SATB1: variants seen among roughly 807,000 people sequenced by gnomAD.
The protein encoded by SATB1 is DNA-binding protein SATB1.
SATB1 carries 11 observed loss-of-function variants against 86.9 expected under a neutral mutation model. The observed-to-expected ratio is 0.13, with a 90% confidence interval of 0.08 to 0.21. The LOEUF (loss-of-function observed/expected upper bound fraction) is 0.21, where lower values mean the gene tolerates loss of function less well. SATB1 is among the 10% of genes least tolerant of loss of function. SATB1 has a pLI of 1.00. For missense variants in SATB1, 551 were observed against 937.6 expected (o/e 0.59, Z 5.39); for synonymous variants, 357 against 357.2 (o/e 1.00, Z 0.01).
intron 9 of SATB1, among the ~76,000 whole-genome samples, chr3:18,360,905 G>A (rs1173249138): frequency 6.6e-6 from 1 of 152,134 alleles, no homozygotes; most frequent in Non-Finnish European, 1.5e-5. Context: ...CAGACATCAA[G>A]TGGATCCACA....
intron 2 of SATB1, among the ~76,000 whole-genome samples, chr3:18,418,599 A>T (rs1438601902): frequency 6.6e-6 from 1 of 152,218 alleles, no homozygotes; most frequent in Non-Finnish European, 1.5e-5. Context: ...GGGAGACCAC[A>T]GCAAAAATAG....
chr3:18,350,002 C>A (rs551276511), intron 10 of SATB1: 4 of 327,346 alleles, frequency 1.2e-5, no homozygotes, highest in Non-Finnish European at 1.7e-5. Flanking sequence ...GCATCAAAGG[C>A]GAAGACAGCA....
chr3:18,408,533 T>A (rs911066195), intron 5 of SATB1: 2 of 152,018 alleles, frequency 1.3e-5, no homozygotes, highest in African/African-American at 4.8e-5. Context: ...CAATTGGCAA[T>A]GAGCTGCAGA....
intron 2 of SATB1, among the ~76,000 whole-genome samples, chr3:18,435,891 A>G (rs1380946940): frequency 6.6e-6 from 1 of 152,200 alleles, no homozygotes; most frequent in African/African-American, 2.4e-5. Flanking sequence ...CAGAATGTGC[A>G]TGATAATGTA....
At chr3:18,379,235 T>C (rs1345052527) in intron 8 of SATB1, among the ~76,000 whole-genome samples, 1 of 152,218 alleles carries the variant, frequency 6.6e-6, no homozygotes, top group African/African-American at 2.4e-5. Flanking sequence ...AATGTACTGA[T>C]ACTATAATTC....
chr3:18,366,952 A>G (rs1320062180), intron 9 of SATB1, among the ~76,000 whole-genome samples: 1 of 152,112 alleles, frequency 6.6e-6, no homozygotes, highest in Non-Finnish European at 1.5e-5. Flanking sequence ...AGTGTCTTCA[A>G]TCAAAATAGC....
intron 1 of SATB1, 38 bp from the exon 2 acceptor site, chr3:18,421,029 C>A: frequency 1.4e-6 from 2 of 1,440,754 alleles, no homozygotes; most frequent in South Asian, 2.3e-5. Context: ...TATAGTTGGG[C>A]GGGGACCTAC....
intron 7 of SATB1, among the ~76,000 whole-genome samples, chr3:18,391,658 G>T (rs1289110354): frequency 1.5e-4 from 22 of 151,688 alleles, no homozygotes; most frequent in Admixed American, 1.3e-3. Context: ...AAAAGTTGGA[G>T]TTGGAACTGC....
At chr3:18,442,549 A>C (rs112670676), upstream of SATB1, among the ~76,000 whole-genome samples, 1 of 152,212 alleles carries the variant, frequency 6.6e-6, no homozygotes, top group African/African-American at 2.4e-5. Flanking sequence ...ATAGTTTGCT[A>C]CTGTTACATT....
At chr3:18,403,526 C>G (rs1697371682) in intron 5 of SATB1, among the ~76,000 whole-genome samples, 2 of 152,170 alleles carry the variant, frequency 1.3e-5, no homozygotes, top group South Asian at 4.1e-4. Flanking sequence ...ATGGTTCTAC[C>G]TGTTTATAAT....
chr3:18,403,144 C>G (rs1160921164), intron 5 of SATB1, among the ~76,000 whole-genome samples: 1 of 152,012 alleles, frequency 6.6e-6, no homozygotes, highest in Non-Finnish European at 1.5e-5. Flanking sequence ...AAAAATGATT[C>G]TTTTAACAAA....
At chr3:18,427,424 T>G (rs144533933), upstream of SATB1, among the ~76,000 whole-genome samples, 76 of 152,282 alleles carry the variant, frequency 5.0e-4, 1 homozygote, top group East Asian at 0.014. Flanking sequence ...AGCCAGGCAA[T>G]GTCACCTCAA....
Position 18,415,243 on chromosome 3 carries a change from G to C in SATB1, c.516-9C>G. The C allele has an allele frequency of 6.2e-7, 1 of 1,612,456 alleles. No individual in the cohort carries two copies. Among genetic ancestry groups the C allele is most frequent in the Non-Finnish European group, 8.5e-7 (1 of 1,178,896 alleles). Reference sequence around the variant, plus strand: ...CTTCTAGTTTGGGGCAACTATTTGAGACATAGATTAGAAAGGGGATTATTA... The same window carrying C: ...CTTCTAGTTTGGGGCAACTATTTGACACATAGATTAGAAAGGGGATTATTA... On this transcript the variant is annotated splice_polypyrimidine_tract_variant and intron_variant, in intron 4 of 10. Coordinates refer to ENST00000338745, the MANE Select transcript of SATB1 (RefSeq NM_002971.6).
chr3:18,387,376 G>C (rs1696397799), intron 7 of SATB1, among the ~76,000 whole-genome samples: 1 of 152,266 alleles, frequency 6.6e-6, no homozygotes, highest in South Asian at 2.1e-4. Context: ...AAGGAAAAGA[G>C]TATCAAATTC....
In SATB1 at chr3:18,352,713, G is replaced by A; in HGVS notation, c.1576-518C>T. 1 of 157,260 alleles carries A rather than the reference G, an allele frequency of 6.4e-6. No individual in the cohort carries two copies. The highest frequency in any genetic ancestry group is 1.4e-5 in the Non-Finnish European group (1 of 70,834). 9.7% of individuals were successfully genotyped at this position (157,260 alleles called of 1,614,324 possible). ...AGAAAGGACAGGTGCAATTACACCA[G>A]CAAGAATGTTTTCCAGTATAAGGCA... On this transcript the variant is annotated intron_variant, in intron 9 of 10. Transcript: ENST00000338745. The surrounding 1 kb of genome is among the most constrained non-coding windows in gnomAD (Gnocchi z 4.1).
intron 2 of SATB1, among the ~76,000 whole-genome samples, chr3:18,418,318 T>C (rs1698221956): frequency 6.6e-6 from 1 of 152,156 alleles, no homozygotes; most frequent in Non-Finnish European, 1.5e-5. Flanking sequence ...AAAGATTCTC[T>C]ATTTGCTTGT....
intron 1 of SATB1, 148 bp from the exon 2 acceptor site, chr3:18,421,139 A>C: frequency 1.7e-6 from 1 of 596,344 alleles, no homozygotes; most frequent in Non-Finnish European, 3.0e-6. Flanking sequence ...TACAGATGTT[A>C]CTATATTTCT....
intron 5 of SATB1, among the ~76,000 whole-genome samples, chr3:18,414,532 G>T (rs1698021659): frequency 6.6e-6 from 1 of 151,816 alleles, no homozygotes; most frequent in Non-Finnish European, 1.5e-5. Flanking sequence ...TAAAAAAACA[G>T]AAAAGAAGTA....
At chr3:18,390,273 C>A (rs946833848) in intron 7 of SATB1, among the ~76,000 whole-genome samples, 3 of 152,040 alleles carry the variant, frequency 2.0e-5, no homozygotes, top group Admixed American at 1.3e-4. Context: ...AACTTCAAAG[C>A]CCTCAGGAAG....
Sources: gnomAD v4.1 joint callset for allele counts (sites outside exome capture counted in the v4.1 genomes callset) on GRCh38, gnomAD v4.1.1 for gene constraint, Gnocchi (gnomAD v3.1) non-coding constraint, MANE v1.5 for transcripts, NCBI Gene and HGNC (gene_info 2026-07-23, HGNC 2026-07-21) for gene names.